The following CALN1 variants were observed in gnomAD, a reference collection of about 807,000 sequenced individuals.
CALN1 encodes calneuron 1, also known as calcium-binding protein 8.
Under a neutral mutation model 30.6 loss-of-function variants are expected in CALN1, and 17 were observed. The observed-to-expected ratio is 0.56, with a 90% CI of 0.38 to 0.83. The LOEUF is 0.83. CALN1 is among the 40% of genes least tolerant of loss of function. The pLI, the probability that CALN1 is intolerant of heterozygous loss-of-function variation, is 0.00. For missense variants in CALN1, 291 were observed against 354.9 expected, an observed-to-expected ratio of 0.82 and a Z score of 1.45; for synonymous variants, 156 against 131.4, an observed-to-expected ratio of 1.19 and a Z score of -1.28.
At chr7:72,452,982 A>T in the CALN1 span, among the ~76,000 whole-genome samples, 1 of 152,180 alleles carries the variant, frequency 6.6e-6, no homozygotes, top group Non-Finnish European at 1.5e-5. Flanking sequence ...TGGGAAGGCA[A>T]GGAGAAAGGA....
intron 3 of CALN1, among the ~76,000 whole-genome samples, chr7:72,158,330 A>G (rs1585059095): frequency 6.6e-6 from 1 of 152,176 alleles, no homozygotes; most frequent in Non-Finnish European, 1.5e-5. Context: ...AAGCAAGACC[A>G]GAAACAAAGA....
intron 5 of CALN1, among the ~76,000 whole-genome samples, chr7:71,824,005 G>A (rs1416367061): frequency 1.3e-5 from 2 of 152,050 alleles, no homozygotes; most frequent in Non-Finnish European, 2.9e-5. Flanking sequence ...CCTCCCATCA[G>A]CTCCCTCCCA....
intron 5 of CALN1, among the ~76,000 whole-genome samples, chr7:71,918,128 A>G (rs1485184691): frequency 2.0e-5 from 3 of 152,188 alleles, no homozygotes; most frequent in Non-Finnish European, 4.4e-5. Flanking sequence ...ATCATGCACA[A>G]CTGAGTGCTA....
chr7:72,175,540 G>C (rs1330725450), intron 3 of CALN1, among the ~76,000 whole-genome samples: 1 of 152,078 alleles, frequency 6.6e-6, no homozygotes, highest in African/African-American at 2.4e-5. Context: ...AGGATATACT[G>C]GTGGCATTTG....
intron 3 of CALN1, among the ~76,000 whole-genome samples, chr7:72,175,812 A>G (rs916319545): frequency 1.3e-5 from 2 of 152,178 alleles, no homozygotes; most frequent in Admixed American, 1.3e-4. Context: ...CAGACAGTAA[A>G]TCACAAATAA....
chr7:72,409,230 A>G (rs923708273), intron 1 of CALN1, among the ~76,000 whole-genome samples: 2 of 150,104 alleles, frequency 1.3e-5, no homozygotes, highest in East Asian at 4.1e-4. Context: ...TCCTGACCTC[A>G]TGATCTACCC....
chr7:71,836,185 G>A (rs1329357385), intron 5 of CALN1, among the ~76,000 whole-genome samples: 3 of 152,306 alleles, frequency 2.0e-5, no homozygotes, highest in South Asian at 2.1e-4. Context: ...CCGGGTCTCC[G>A]CCTACCTGCG....
intron 3 of CALN1, among the ~76,000 whole-genome samples, chr7:72,245,684 G>A (rs1262934647): frequency 6.6e-6 from 1 of 152,024 alleles, no homozygotes; most frequent in Non-Finnish European, 1.5e-5. Context: ...CAAGATCAGA[G>A]ATAGAATTCA....
chr7:71,893,865 C>T (rs1374206416), intron 5 of CALN1, among the ~76,000 whole-genome samples: 1 of 151,952 alleles, frequency 6.6e-6, no homozygotes, highest in Admixed American at 6.6e-5. Flanking sequence ...GACATGAAGG[C>T]TAAGGAAATA....
chr7:72,378,821 G>A (rs866485881), intron 2 of CALN1, among the ~76,000 whole-genome samples: 57 of 152,086 alleles, frequency 3.7e-4, no homozygotes, highest in African/African-American at 1.2e-3. Context: ...GCCTGCCTCC[G>A]CCTCCCAAAG....
At chr7:72,373,766 T>C (rs939313221) in intron 2 of CALN1, among the ~76,000 whole-genome samples, 10 of 152,174 alleles carry the variant, frequency 6.6e-5, no homozygotes, top group African/African-American at 2.4e-4. Context: ...ATGGATTCAG[T>C]AAGCTCATAG....
chr7:72,146,481 T>A (rs563360061), intron 3 of CALN1, among the ~76,000 whole-genome samples: 4 of 152,222 alleles, frequency 2.6e-5, no homozygotes, highest in African/African-American at 7.2e-5. Context: ...TACAAATAAA[T>A]GGAAGAACAT....
intron 5 of CALN1, among the ~76,000 whole-genome samples, chr7:71,899,485 T>G (rs1016522760): frequency 1.4e-4 from 21 of 152,088 alleles, no homozygotes; most frequent in Non-Finnish European, 2.5e-4. Context: ...AACAAGAAAT[T>G]TATGGGATGC....
intron 3 of CALN1, among the ~76,000 whole-genome samples, chr7:72,255,139 G>T (rs1171782183): frequency 1.3e-5 from 2 of 152,070 alleles, no homozygotes; most frequent in Admixed American, 6.5e-5. Flanking sequence ...AGCCTGGAGT[G>T]CAGTGGCACG....
intron 3 of CALN1, among the ~76,000 whole-genome samples, chr7:72,145,367 C>T (rs1012450530): frequency 4.6e-5 from 7 of 152,166 alleles, no homozygotes; most frequent in Non-Finnish European, 8.8e-5. Flanking sequence ...ACTAGAAAAT[C>T]TAGAAGAAAT....
At chr7:72,249,530 T>TGGTG in intron 3 of CALN1, among the ~76,000 whole-genome samples, 1 of 152,118 alleles carries the variant, frequency 6.6e-6, no homozygotes, top group East Asian at 1.9e-4. Context: ...CAGCAGGGCA[T>TGGTG]GGTGGGTCAT....
the CALN1 span, among the ~76,000 whole-genome samples, chr7:72,487,763 GT>G: frequency 8.2e-5 from 4 of 49,006 alleles, no homozygotes; most frequent in Non-Finnish European, 1.5e-4. Flanking sequence ...GGAAGGAAGG[GT>G]AAAGAAAGAA....
At chr7:71,905,387 T>G (rs1052582940) in intron 5 of CALN1, among the ~76,000 whole-genome samples, 1 of 151,858 alleles carries the variant, frequency 6.6e-6, no homozygotes, top group Non-Finnish European at 1.5e-5. Context: ...GTGTAGTTTT[T>G]TTTTTTTTTA....
intron 2 of CALN1, among the ~76,000 whole-genome samples, chr7:72,394,053 A>T (rs986278450): frequency 3.0e-4 from 45 of 152,242 alleles, no homozygotes; most frequent in Non-Finnish European, 4.8e-4. Flanking sequence ...ATCTCCAAGA[A>T]GATGAAAAAG....
Sources: allele counts gnomAD v4.1 joint callset (sites outside exome capture counted in the v4.1 genomes callset), GRCh38; gene constraint gnomAD v4.1.1; transcripts MANE v1.5; gene names NCBI Gene and HGNC (gene_info 2026-07-23, HGNC 2026-07-21).